MAP3K13: variants seen among roughly 807,000 people sequenced by gnomAD.
MAP3K13 encodes leucine zipper-bearing kinase.
A neutral mutation model predicts 104.0 loss-of-function variants in MAP3K13; 52 were observed. That is an observed-to-expected ratio of 0.50 (90% CI 0.40 to 0.63). The LOEUF is 0.63. Among genes scored for constraint, MAP3K13 ranks in the 20% least tolerant of loss-of-function variants. The probability of loss-of-function intolerance (pLI) is 0.00; values close to 1 mark genes in which losing one functional copy is unlikely to be tolerated. For missense variants in MAP3K13, 914 were observed against 1,218.5 expected (o/e 0.75, Z 3.72); for synonymous variants, 394 against 442.2 (o/e 0.89, Z 1.37).
At chr3:185,284,025 A>C (rs955151278) in intron 1 of MAP3K13, among the ~76,000 whole-genome samples, 1 of 150,322 alleles carries the variant, frequency 6.7e-6, no homozygotes, top group Non-Finnish European at 1.5e-5. Context: ...CAGCCTCCCG[A>C]GTAGCTGGGA....
At chr3:185,325,707 G>A (rs1241801732) in intron 2 of MAP3K13, among the ~76,000 whole-genome samples, 1 of 152,178 alleles carries the variant, frequency 6.6e-6, no homozygotes, top group East Asian at 1.9e-4. Flanking sequence ...AGGTTCAAGT[G>A]TTCCCTTGTC....
chr3:185,323,552 C>T (rs931629200), intron 2 of MAP3K13, among the ~76,000 whole-genome samples: 3 of 151,998 alleles, frequency 2.0e-5, no homozygotes, highest in South Asian at 4.1e-4. Flanking sequence ...AGGCTGGTCT[C>T]GAACTCCCGA....
intron 1 of MAP3K13, among the ~76,000 whole-genome samples, chr3:185,407,872 T>A (rs1259835447): frequency 3.5e-5 from 1 of 28,762 alleles, no homozygotes; most frequent in Non-Finnish European, 1.1e-4. Flanking sequence ...TTTGAGAATT[T>A]TTTTTTTTTT....
intron 2 of MAP3K13, among the ~76,000 whole-genome samples, chr3:185,306,802 A>C (rs1473230690): frequency 6.6e-6 from 1 of 152,018 alleles, no homozygotes; most frequent in East Asian, 1.9e-4. Context: ...TCCACTTGTC[A>C]ATTTTTGTTT....
chr3:185,305,995 A>G (rs964481571), intron 2 of MAP3K13, among the ~76,000 whole-genome samples: 9 of 152,182 alleles, frequency 5.9e-5, no homozygotes, highest in Admixed American at 1.3e-4. Context: ...TGTGTACCCA[A>G]TGTTTAGCTT....
rs1046416973 is a variant in MAP3K13 at position 185,351,591 on chromosome 3, C to A, written c.-86+65948C>A. On this transcript the variant is annotated intron_variant, in intron 2 of 14. Transcript: ENST00000424227. ...GACTATGGACAAATCTCTGAACTTGCATTTATTCATATGTTAAAAAAAGGA... is the reference window on the plus strand; with the variant it reads ...GACTATGGACAAATCTCTGAACTTGAATTTATTCATATGTTAAAAAAAGGA... 2.6e-5 allele frequency among the ~76,000 whole-genome samples: 4 copies of A among 152,132 alleles called. No individual in the cohort carries two copies. In the East Asian group the frequency reaches 7.7e-4, roughly 29 times the overall value.
chr3:185,353,986 G>A (rs1476480056), intron 2 of MAP3K13, among the ~76,000 whole-genome samples: 1 of 152,128 alleles, frequency 6.6e-6, no homozygotes, highest in Non-Finnish European at 1.5e-5. Flanking sequence ...ACTGGGACTA[G>A]TAGAGCAAAC....
chr3:185,444,276 C>CA (rs1715477976), intron 4 of MAP3K13, among the ~76,000 whole-genome samples: 1 of 151,942 alleles, frequency 6.6e-6, no homozygotes, highest in Non-Finnish European at 1.5e-5. Flanking sequence ...GAGGAGGTTG[C>CA]AGTGAGCTGA....
In MAP3K13 at chr3:185,346,265, T is replaced by C. The variant is rs563504029; in HGVS notation, c.-86+60622T>C. The stretch of plus-strand genomic sequence containing the variant: ...TTTTTGTAACTTTTCCCAAAAGCAA[T>C]ACATTTGTACTTCACAGATAATCTA... On this transcript the variant is annotated intron_variant, in intron 2 of 14. Transcript: ENST00000424227. Among the ~76,000 whole-genome samples the C allele has an allele frequency of 2.6e-5, 4 of 152,334 alleles. No homozygotes were observed. In the South Asian group the frequency reaches 8.3e-4, roughly 32 times the overall value.
At chr3:185,448,305 A>T (rs1715701943) in intron 5 of MAP3K13, among the ~76,000 whole-genome samples, 1 of 152,178 alleles carries the variant, frequency 6.6e-6, no homozygotes, top group Admixed American at 6.6e-5. Context: ...GAGCTTACCT[A>T]ATCTCAATGA....
intron 1 of MAP3K13, among the ~76,000 whole-genome samples, chr3:185,363,814 C>T (rs1015495195): frequency 2.6e-5 from 4 of 152,246 alleles, no homozygotes; most frequent in African/African-American, 9.6e-5. Context: ...CACCCTTCAC[C>T]TTGCCTTTGT....
chr3:185,320,423 C>T (rs1721815671), intron 2 of MAP3K13, among the ~76,000 whole-genome samples: 1 of 152,194 alleles, frequency 6.6e-6, no homozygotes, highest in African/African-American at 2.4e-5. Context: ...CCTTAAGAAA[C>T]GAGCTAGTTT....
rs537391748 is a variant in MAP3K13 at position 185,407,686 on chromosome 3, C to A, written c.-85-20811C>A. 7.2e-5 allele frequency among the ~76,000 whole-genome samples: 11 copies of A among 152,156 alleles called. No individual in the cohort carries two copies. The South Asian group carries it at 2.3e-3, about 32-fold the overall frequency. On this transcript the variant is annotated intron_variant, in intron 1 of 13. Transcript: ENST00000265026. The stretch of plus-strand genomic sequence containing the variant: ...GGTGGAATTAAGGGGGAAGAAAGCT[C>A]AAGTGTGTTCCCTCTTCCCCACACC...
At chr3:185,432,625 T>C (rs1039671800) in intron 2 of MAP3K13, among the ~76,000 whole-genome samples, 7 of 152,164 alleles carry the variant, frequency 4.6e-5, no homozygotes, top group African/African-American at 1.7e-4. Context: ...TGGTGATAAT[T>C]TGAAGATCTC....
At chr3:185,455,546 T>TATATATCATATATATGAC (rs1450389204) in intron 7 of MAP3K13, among the ~76,000 whole-genome samples, 1 of 47,280 alleles carries the variant, frequency 2.1e-5, no homozygotes, top group South Asian at 8.2e-4. Context: ...ATATATGACA[T>TATATATCATATATATGAC]ATATATGATA....
chr3:185,392,771 G>A (rs955461042), intron 1 of MAP3K13, among the ~76,000 whole-genome samples: 6 of 152,178 alleles, frequency 3.9e-5, no homozygotes, highest in South Asian at 4.1e-4. Context: ...TAGGCTGACC[G>A]GGTGTGGTGG....
upstream of MAP3K13, among the ~76,000 whole-genome samples, chr3:185,361,709 T>C (rs1178746623): frequency 6.6e-6 from 1 of 152,196 alleles, no homozygotes; most frequent in Non-Finnish European, 1.5e-5. Context: ...TGCATGTTCG[T>C]TCTTAAATAA....
At chr3:185,384,571 A>T (rs2108762194) in intron 1 of MAP3K13, among the ~76,000 whole-genome samples, 1 of 152,222 alleles carries the variant, frequency 6.6e-6, no homozygotes, top group African/African-American at 2.4e-5. Context: ...GTATTTATTG[A>T]TGTTCCCACC....
chr3:185,388,684 T>C (rs958416159), intron 1 of MAP3K13, among the ~76,000 whole-genome samples: 1 of 151,820 alleles, frequency 6.6e-6, no homozygotes, highest in African/African-American at 2.4e-5. Context: ...GACGAAGCAA[T>C]CCTAAAATTC....
Sources: gnomAD v4.1 joint callset for allele counts (sites outside exome capture counted in the v4.1 genomes callset) on GRCh38, gnomAD v4.1.1 for gene constraint, MANE v1.5 for transcripts, NCBI Gene and HGNC (gene_info 2026-07-23, HGNC 2026-07-21) for gene names.